NTRK2: variants seen among roughly 807,000 people sequenced by gnomAD.
NTRK2 encodes BDNF/NT-3 growth factors receptor.
A neutral mutation model predicts 94.5 loss-of-function variants in NTRK2; 13 were observed. That is an observed-to-expected ratio of 0.14 (90% confidence interval 0.09 to 0.22). NTRK2 has a LOEUF of 0.22. NTRK2 is among the 10% of genes least tolerant of loss of function. The pLI is 1.00. For missense variants in NTRK2, 639 were observed against 1,071.2 expected, an observed-to-expected ratio of 0.60 and a Z score of 5.63; for synonymous variants, 372 against 407.4, an observed-to-expected ratio of 0.91 and a Z score of 1.05.
rs200407744 is a variant in NTRK2, at chr9:84,813,006, A to C, written c.1397-48034A>C. ...CAGTAACATAGCTTCTCTTTTCTGT[A>C]CTCTAGACCACCCCTTTTCATCATT... is the stretch of plus-strand genomic sequence containing the variant. On this transcript the variant is annotated intron_variant, in intron 12 of 18. Transcript: ENST00000277120. 31 of 1,035,248 alleles carry C rather than the reference A, an allele frequency of 3.0e-5. No homozygotes were observed. The South Asian group carries it at 8.8e-4, about 29-fold the overall frequency. The allele number at this position is 1,035,248 out of a possible 1,614,324, so 64.1% of individuals were successfully genotyped here. A position where few individuals can be genotyped will look rare whatever the true frequency, so the allele number is the denominator to read the frequency against.
intron 9 of NTRK2, among the ~76,000 whole-genome samples, chr9:84,730,985 C>T (rs1024260428): frequency 6.6e-6 from 1 of 151,964 alleles, no homozygotes; most frequent in Non-Finnish European, 1.5e-5. Context: ...AAGATCCCCC[C>T]CTTCCCTTTT....
intron 14 of NTRK2, among the ~76,000 whole-genome samples, chr9:84,916,880 A>G (rs141729632): frequency 2.6e-3 from 391 of 152,322 alleles, no homozygotes; most frequent in African/African-American, 9.0e-3. Flanking sequence ...TTACGGTGAC[A>G]TCTATTAAGC....
chr9:85,007,211 G>A (rs1831068668), intron 17 of NTRK2, among the ~76,000 whole-genome samples: 1 of 152,228 alleles, frequency 6.6e-6, no homozygotes, highest in Non-Finnish European at 1.5e-5. Flanking sequence ...TAAGAACATG[G>A]TATTTAAGTT....
chr9:84,960,888 A>C (rs1052666085), intron 17 of NTRK2, among the ~76,000 whole-genome samples: 1 of 152,224 alleles, frequency 6.6e-6, no homozygotes, highest in African/African-American at 2.4e-5. Flanking sequence ...TGAGGTGGTC[A>C]GTACATGATT....
intron 14 of NTRK2, among the ~76,000 whole-genome samples, chr9:84,898,556 C>G (rs1278569493): frequency 6.8e-6 from 1 of 148,086 alleles, no homozygotes; most frequent in Admixed American, 6.8e-5. Flanking sequence ...TCTTATTATT[C>G]CTGTCATGAC....
chr9:84,739,982 C>A (rs1045425081), intron 9 of NTRK2, among the ~76,000 whole-genome samples: 1 of 152,106 alleles, frequency 6.6e-6, no homozygotes, highest in African/African-American at 2.4e-5. Flanking sequence ...GTTATGATGA[C>A]GTGGAAGGCT....
At chr9:84,964,833 T>C (rs1392009904) in intron 17 of NTRK2, among the ~76,000 whole-genome samples, 1 of 152,370 alleles carries the variant, frequency 6.6e-6, no homozygotes, top group East Asian at 1.9e-4. Flanking sequence ...CAGAAGATGG[T>C]TATCATTTCT....
chr9:85,008,398 G>A (rs568914669), intron 17 of NTRK2, among the ~76,000 whole-genome samples: 16 of 152,046 alleles, frequency 1.1e-4, no homozygotes, highest in African/African-American at 3.1e-4. Flanking sequence ...GGCAAAAACC[G>A]CAATTACTTT....
chr9:84,875,336 G>A, intron 14 of NTRK2: 1 of 1,060,164 alleles, frequency 9.4e-7, no homozygotes, highest in South Asian at 4.6e-5. Context: ...GCCATAGCTG[G>A]CCACGTCAGA....
At chr9:84,840,674 G>T (rs186484150) in intron 12 of NTRK2, among the ~76,000 whole-genome samples, 6 of 152,230 alleles carry the variant, frequency 3.9e-5, no homozygotes, top group Admixed American at 3.3e-4. Flanking sequence ...CACTGCTCTT[G>T]ACTTCCCATG....
At chr9:84,675,066 TAGGTCTGTTTA>T (rs1049615768) in intron 2 of NTRK2, among the ~76,000 whole-genome samples, 11 of 152,156 alleles carry the variant, frequency 7.2e-5, no homozygotes, top group African/African-American at 2.7e-4. Flanking sequence ...GTGTGGAGTT[TAGGTCTGTTTA>T]AGGTCTCTCA....
intron 16 of NTRK2, among the ~76,000 whole-genome samples, chr9:84,951,594 C>CCTCTCCTTCTCCCTAG (rs373763311): frequency 5.8e-4 from 89 of 152,260 alleles, no homozygotes; most frequent in African/African-American, 2.1e-3. Flanking sequence ...TCTCACTCAG[C>CCTCTCCTTCTCCCTAG]CTCTCCTTCT....
chr9:84,838,389 TAATAA>T (rs758866741), intron 12 of NTRK2, among the ~76,000 whole-genome samples: 1 of 152,142 alleles, frequency 6.6e-6, no homozygotes. Context: ...ATTGCAGAGA[TAATAA>T]AATAAAGTAC....
At chr9:84,955,654 C>G (rs988141030) in intron 17 of NTRK2, 137 bp downstream of exon 17, 9 of 786,372 alleles carry the variant, frequency 1.1e-5, no homozygotes, top group Non-Finnish European at 1.9e-5. Flanking sequence ...TCTCATGGCT[C>G]TGGAGGCTGG....
chr9:84,728,210 A>G (rs1042869606), intron 9 of NTRK2, among the ~76,000 whole-genome samples: 64 of 152,128 alleles, frequency 4.2e-4, no homozygotes, highest in African/African-American at 1.4e-3. Context: ...AAAGAGGACA[A>G]CTGCAACGAT....
At chr9:84,870,503 AT>A (rs921815587) in intron 14 of NTRK2, among the ~76,000 whole-genome samples, 24 of 148,846 alleles carry the variant, frequency 1.6e-4, no homozygotes, top group South Asian at 8.6e-4. Context: ...TGTCTGGCTA[AT>A]TTTTTTTTAT....
At chr9:84,765,818 A>T (rs1420809747) in intron 12 of NTRK2, among the ~76,000 whole-genome samples, 1 of 152,140 alleles carries the variant, frequency 6.6e-6, no homozygotes, top group Non-Finnish European at 1.5e-5. Flanking sequence ...TTATCTATTT[A>T]TTTTAGTGTT....
intron 9 of NTRK2, among the ~76,000 whole-genome samples, chr9:84,740,570 T>C (rs577560547): frequency 1.6e-4 from 24 of 152,330 alleles, no homozygotes; most frequent in African/African-American, 4.1e-4. Flanking sequence ...TCCCATCACA[T>C]GTGACTGCAG....
chr9:84,929,059 T>A (rs1451819515), intron 14 of NTRK2, among the ~76,000 whole-genome samples: 1 of 152,084 alleles, frequency 6.6e-6, no homozygotes, highest in Admixed American at 6.6e-5. Context: ...ATGAATAAAG[T>A]TATATTTATT....
Sources: gnomAD v4.1 joint callset for allele counts (sites outside exome capture counted in the v4.1 genomes callset) on GRCh38, gnomAD v4.1.1 for gene constraint, MANE v1.5 for transcripts, NCBI Gene and HGNC (gene_info 2026-07-23, HGNC 2026-07-21) for gene names.